TMEM265: variants seen among roughly 807,000 people sequenced by gnomAD.
TMEM265 encodes the protein transmembrane protein 265.
Under a neutral mutation model 9.5 loss-of-function variants are expected in TMEM265, and 8 were observed. The observed-to-expected ratio is 0.84, with a 90% confidence interval of 0.49 to 1.52. TMEM265 has a LOEUF of 1.52. Among genes scored for constraint, TMEM265 ranks in the 40% most tolerant of loss-of-function variants. TMEM265 has a pLI of 0.00. For synonymous variants in TMEM265, 53 were observed against 56.9 expected, an observed-to-expected ratio of 0.93 and a Z score of 0.31; for missense variants, 152 against 146.2, an observed-to-expected ratio of 1.04 and a Z score of -0.21.
chr16:30,741,980 A>C, intron 2 of TMEM265, 72 bp downstream of exon 2: 2 of 1,436,840 alleles, frequency 1.4e-6, no homozygotes, highest in Non-Finnish European at 1.9e-6. Context: ...ATCTATCTAC[A>C]TTGACCAGTC....
intron 2 of TMEM265, 116 bp downstream of exon 2, chr16:30,742,024 C>A: frequency 9.0e-7 from 1 of 1,108,236 alleles, no homozygotes. Context: ...GGCCTAGTGC[C>A]AGAAATAAGA....
At chr16:30,743,671 G>A in intron 2 of TMEM265, 111 bp from the exon 3 acceptor site, 2 of 1,281,638 alleles carry the variant, frequency 1.6e-6, no homozygotes, top group African/African-American at 1.5e-5. Flanking sequence ...GGAGGTAGAG[G>A]GTTTGGATGT....
chr16:30,743,890 C>G lies in TMEM265; in HGVS notation c.274C>G (p.Leu92Val). ...TGCTGTCTGGCTTGCTGTCCTCATT[C>G]TGGGTCCCCTGCTGCTGTGGTTGCT... ...SFAVWLAVLI[L>V]GPLLLWLLSY... Residue 92 changes from leucine to valine, a missense_variant, in exon 3 of 3, where the codon CTG becomes GTG. Coordinates refer to ENST00000615541, the MANE Select transcript of TMEM265 (RefSeq NM_001256829.2). 1 of 1,533,996 alleles carries G rather than the reference C, an allele frequency of 6.5e-7. No individual in the cohort carries two copies. Among genetic ancestry groups the G allele is most frequent in the Non-Finnish European group, 8.7e-7 (1 of 1,146,728 alleles).
chr16:30,744,928 C>A lies in TMEM265; in HGVS notation c.*985C>A, dbSNP rs1418395633. ...TTTTAAAATTATGAAGTATATCATA[C>A]ATATAGGAAAATACCCAAAACAAGT... On this transcript the variant is annotated 3_prime_UTR_variant, in exon 3 of 3. Transcript: ENST00000615541. 1 of 152,098 alleles carries A rather than the reference C, an allele frequency of 6.6e-6. No homozygotes were observed. Among genetic ancestry groups the A allele is most frequent in the South Asian group, 2.1e-4 (1 of 4,824 alleles). The allele number at this position is 152,098 out of a possible 1,614,324, so 9.4% of individuals were successfully genotyped here.
Position 30,744,040 on chromosome 16 carries a change from G to C in TMEM265, c.*97G>C. The C allele has an allele frequency of 7.2e-7, 1 of 1,380,180 alleles. No individual in the cohort carries two copies. Among genetic ancestry groups the C allele is most frequent in the Non-Finnish European group, 9.6e-7 (1 of 1,036,422 alleles). 85.5% of individuals were successfully genotyped at this position (1,380,180 alleles called of 1,614,324 possible). A position where few individuals can be genotyped will look rare whatever the true frequency, so the allele number is the denominator to read the frequency against. On this transcript the variant is annotated 3_prime_UTR_variant, in exon 3 of 3. Transcript: ENST00000615541. ...TGACAGCAGTGGTTGGAAGGATCCT[G>C]GTTGGAAGGATGGGGACTCTCTCAA...
At chr16:30,742,694 G>A (rs1360681782) in intron 2 of TMEM265, among the ~76,000 whole-genome samples, 1 of 152,000 alleles carries the variant, frequency 6.6e-6, no homozygotes, top group East Asian at 1.9e-4. Context: ...TTGGGAGGCC[G>A]AGGTGGGCAG....
chr16:30,743,837 G>A lies in TMEM265; in HGVS notation c.221G>A (p.Arg74Gln), dbSNP rs527428597. The change falls in exon 3 of 3, where the codon CGG (arginine) becomes CAG (glutamine). Residue 74 changes from arginine (R) to glutamine (Q), a missense_variant. Transcript: ENST00000615541. Reference protein sequence around the residue: ...RSEEAVRWGARARKLILASFA... With the variant: ...RSEEAVRWGAQARKLILASFA... ...GAGGAGGCAGTGCGCTGGGGGGCCC[G>A]GGCCCGGAAACTCATCCTGGCCAGC... 1.3e-5 allele frequency: 20 copies of A among 1,533,800 alleles called. 1 individual carries two copies. Among genetic ancestry groups the A allele is most frequent in the African/African-American group, 9.6e-5 (7 of 73,062 alleles).
chr16:30,743,699 CAG>C, intron 2 of TMEM265, 81 bp from the exon 3 acceptor site: 2 of 1,409,182 alleles, frequency 1.4e-6, no homozygotes, highest in East Asian at 2.5e-5. Context: ...TGATCCGTGA[CAG>C]GGAAGGGGGA....
At chr16:30,742,354 T>G (rs960638600) in intron 2 of TMEM265, among the ~76,000 whole-genome samples, 14 of 152,214 alleles carry the variant, frequency 9.2e-5, no homozygotes, top group Non-Finnish European at 1.8e-4. Context: ...TAGTGAGAGA[T>G]GAAGCTAGAG....
At chr16:30,743,590 G>A (rs576008291) in intron 2 of TMEM265, among the ~76,000 whole-genome samples, 192 bp from the exon 3 acceptor site, 1 of 152,294 alleles carries the variant, frequency 6.6e-6, no homozygotes, top group African/African-American at 2.4e-5. Flanking sequence ...TGGCCACCCT[G>A]AGAAGTAGGC....
In TMEM265 at chr16:30,744,093, T is replaced by C; in HGVS notation, c.*150T>C. The C allele has an allele frequency of 2.2e-6, 2 of 901,378 alleles. No homozygotes were observed. Among genetic ancestry groups the C allele is most frequent in the South Asian group, 2.1e-5 (1 of 48,668 alleles). The allele number at this position is 901,378 out of a possible 1,614,324, so 55.8% of individuals were successfully genotyped here. A position where few individuals can be genotyped will look rare whatever the true frequency, so the allele number is the denominator to read the frequency against. Reference sequence around the variant, plus strand: ...GGCTTTGGAAGAGCTCTTCTAGCCCTTTATAAAAGGAGGGCAGCAGCTGAG... The same window carrying C: ...GGCTTTGGAAGAGCTCTTCTAGCCCCTTATAAAAGGAGGGCAGCAGCTGAG... On this transcript the variant is annotated 3_prime_UTR_variant, in exon 3 of 3. Coordinates refer to ENST00000615541, the MANE Select transcript of TMEM265 (RefSeq NM_001256829.2).
Position 30,744,411 on chromosome 16 carries a change from A to G in TMEM265, c.*468A>G, listed in dbSNP as rs2053243960. Reference sequence around the variant, plus strand: ...GCTCCAAGAGAAGGAAACAATTTTTATTTTCTTCTTCTGGAAGTTTCCCTT... The same window carrying G: ...GCTCCAAGAGAAGGAAACAATTTTTGTTTTCTTCTTCTGGAAGTTTCCCTT... On this transcript the variant is annotated 3_prime_UTR_variant, in exon 3 of 3. Coordinates refer to ENST00000615541, the MANE Select transcript of TMEM265 (RefSeq NM_001256829.2). The G allele has an allele frequency of 6.6e-6, 1 of 152,390 alleles. No individual in the cohort carries two copies. The highest frequency in any genetic ancestry group is 6.5e-5 in the Admixed American group (1 of 15,278). 9.4% of individuals were successfully genotyped at this position (152,390 alleles called of 1,614,324 possible). A position where few individuals can be genotyped will look rare whatever the true frequency, so the allele number is the denominator to read the frequency against.
chr16:30,742,293 AAGG>A (rs2053231273), intron 2 of TMEM265, among the ~76,000 whole-genome samples: 1 of 152,128 alleles, frequency 6.6e-6, no homozygotes, highest in Admixed American at 6.5e-5. Flanking sequence ...TTCCAGATAA[AAGG>A]AGCAGTGTGT....
At chr16:30,741,298 T>C (rs941292927) in intron 1 of TMEM265, 1 of 154,118 alleles carries the variant, frequency 6.5e-6, no homozygotes, top group Admixed American at 6.5e-5. Flanking sequence ...CGGGTTGCAG[T>C]ACCTAGGGTC....
chr16:30,743,924 C>T lies in TMEM265; in HGVS notation c.308C>T (p.Ala103Val). Residue 103 changes from alanine to valine, a missense_variant, in exon 3 of 3, where the codon GCC becomes GTC. By Grantham distance (64) the Ala-to-Val change is moderately conservative. Coordinates refer to ENST00000615541, the MANE Select transcript of TMEM265 (RefSeq NM_001256829.2). ...GPLLLWLLSY[A>V]IAQAE ...CTGCTGCTGTGGTTGCTCTCCTACG[C>T]CATCGCTCAGGCTGAGTGACCCTGG... The T allele has an allele frequency of 6.5e-7, 1 of 1,533,796 alleles. No homozygotes were observed.
chr16:30,743,633 T>A, intron 2 of TMEM265, 149 bp from the exon 3 acceptor site: 13 of 1,002,218 alleles, frequency 1.3e-5, no homozygotes, highest in Non-Finnish European at 1.8e-5. Flanking sequence ...ATTTTGCAGA[T>A]GAGAGGTTAG....
intron 2 of TMEM265, 69 bp from the exon 3 acceptor site, chr16:30,743,713 C>T (rs2053238769): frequency 1.0e-5 from 15 of 1,434,482 alleles, no homozygotes; most frequent in Admixed American, 9.6e-5. Context: ...GAAGGGGGAG[C>T]GGAGTGGGGA....
At chr16:30,741,716 C>T in intron 1 of TMEM265, 25 bp from the exon 2 acceptor site, 1 of 1,525,384 alleles carries the variant, frequency 6.6e-7, no homozygotes, top group South Asian at 1.2e-5. Flanking sequence ...GTTGGGCTCA[C>T]AAGTACCTTG....
At chr16:30,743,652 A>C (rs1416383650) in intron 2 of TMEM265, 130 bp from the exon 3 acceptor site, 1 of 1,163,636 alleles carries the variant, frequency 8.6e-7, no homozygotes, top group African/African-American at 1.6e-5. Flanking sequence ...AGAATCAGAA[A>C]CTGGAAAGGG....
Sources: allele counts gnomAD v4.1 joint callset (sites outside exome capture counted in the v4.1 genomes callset), GRCh38; gene constraint gnomAD v4.1.1; transcripts MANE v1.5; gene names NCBI Gene and HGNC (gene_info 2026-07-23, HGNC 2026-07-21).